IRF2: variants seen among roughly 807,000 people sequenced by gnomAD.
The protein encoded by IRF2 is interferon regulatory factor 2.
Under a neutral mutation model 40.6 loss-of-function variants are expected in IRF2, and 15 were observed. The observed-to-expected ratio is 0.37, with a 90% confidence interval of 0.25 to 0.57. The LOEUF is 0.57. Ranked by LOEUF, IRF2 falls within the 20% of genes least tolerant of loss-of-function variation. IRF2 has a pLI of 0.77. For missense variants in IRF2, 317 were observed against 455.7 expected, an observed-to-expected ratio of 0.70 and a Z score of 2.77; for synonymous variants, 151 against 165.5, an observed-to-expected ratio of 0.91 and a Z score of 0.67.
intron 7 of IRF2, among the ~76,000 whole-genome samples, chr4:184,392,913 C>T (rs1015858347): frequency 3.1e-4 from 47 of 152,136 alleles, no homozygotes; most frequent in African/African-American, 1.1e-3. Context: ...CCCCAAAACA[C>T]CCCGTGCTGG....
chr4:184,422,288 C>T (rs1279461973), intron 2 of IRF2, among the ~76,000 whole-genome samples: 4 of 152,140 alleles, frequency 2.6e-5, no homozygotes, highest in African/African-American at 9.7e-5. Context: ...AAATAACAAA[C>T]GTTGGTGAGG....
chr4:184,423,865 G>C (rs1292899651), intron 2 of IRF2, among the ~76,000 whole-genome samples: 3 of 152,202 alleles, frequency 2.0e-5, no homozygotes, highest in African/African-American at 7.2e-5. Flanking sequence ...TTTGAATTCT[G>C]ATTTGAACAA....
Position 184,468,286 on chromosome 4 carries a change from G to A in IRF2, c.-7+6093C>T, listed in dbSNP as rs566258934. ...GCAGATCACCTGAGGTCAGGAGTTC[G>A]AGACCAGCCGGCCAACATGGCGAAA... On this transcript the variant is annotated intron_variant, in intron 1 of 8. Transcript: ENST00000393593. Among the ~76,000 whole-genome samples the A allele has an allele frequency of 2.2e-3, 306 of 136,880 alleles. 4 individuals carry two copies. The highest frequency in any genetic ancestry group is 9.1e-3 in the African/African-American group (264 of 28,878). The allele number at this position is 136,880 out of a possible 152,430, so 89.8% of individuals were successfully genotyped here.
chr4:184,452,670 CCGAAG>C (rs145257443), intron 1 of IRF2, among the ~76,000 whole-genome samples: 253 of 148,564 alleles, frequency 1.7e-3, no homozygotes, highest in African/African-American at 5.5e-3. Context: ...CTTTGGGAGG[CCGAAG>C]CAGGAGGTTC....
At chr4:184,401,234 T>C (rs1736653843) in intron 6 of IRF2, among the ~76,000 whole-genome samples, 1 of 152,262 alleles carries the variant, frequency 6.6e-6, no homozygotes, top group Admixed American at 6.5e-5. Flanking sequence ...AGTATTTTTG[T>C]TTATAAACAG....
At position 184,411,796 on chromosome 4, in the gene IRF2, C is replaced by T. The variant is rs75964972; in HGVS notation, c.412-3521G>A. 6.6e-3 allele frequency among the ~76,000 whole-genome samples: 1,005 copies of T among 152,082 alleles called. 15 individuals carry two copies. Among genetic ancestry groups the T allele is most frequent in the African/African-American group, 0.023 (961 of 41,458 alleles). On this transcript the variant is annotated intron_variant, in intron 5 of 8. Transcript: ENST00000393593. The stretch of plus-strand genomic sequence containing the variant: ...GATCCTGCAGGCCCTGAACACTCTT[C>T]GCCCGAAGCCTCTCCTGGACCCCCG...
intron 1 of IRF2, among the ~76,000 whole-genome samples, chr4:184,446,652 G>T (rs1012707774): frequency 8.5e-5 from 13 of 152,304 alleles, no homozygotes; most frequent in African/African-American, 2.4e-4. Context: ...GACTTGATTT[G>T]AATTTGTGCT....
At chr4:184,450,710 T>G (rs566986288) in intron 1 of IRF2, among the ~76,000 whole-genome samples, 96 of 152,340 alleles carry the variant, frequency 6.3e-4, no homozygotes, top group African/African-American at 2.2e-3. Flanking sequence ...TTTAAAATAG[T>G]CTCCCTAAGG....
chr4:184,435,431 G>A (rs138655655), intron 1 of IRF2, among the ~76,000 whole-genome samples: 1 of 152,182 alleles, frequency 6.6e-6, no homozygotes, highest in Non-Finnish European at 1.5e-5. Flanking sequence ...AGCTGAGAGG[G>A]GGGTGGTGCT....
chr4:184,467,952 G>A (rs1211132673), intron 1 of IRF2, among the ~76,000 whole-genome samples: 2 of 152,154 alleles, frequency 1.3e-5, no homozygotes, highest in Middle Eastern at 3.2e-3. Context: ...AATTAGTCTT[G>A]CCTTTGGGAT....
rs369950783 is a variant in IRF2, at chr4:184,415,047, G to A, written c.411+3120C>T. ...TGACTTTCCAATTCCAGACGCCCTA[G>A]GGAGTTCACTTTTCAAACACTCTAC... is the stretch of plus-strand genomic sequence containing the variant. On this transcript the variant is annotated intron_variant, in intron 5 of 8. Coordinates refer to ENST00000393593, the MANE Select transcript of IRF2 (RefSeq NM_002199.4). Among the ~76,000 whole-genome samples, 25 of 152,196 alleles carry A rather than the reference G, an allele frequency of 1.6e-4. No homozygotes were observed. In the East Asian group the frequency reaches 2.1e-3, roughly 13 times the overall value.
At chr4:184,469,344 A>G (rs945750505) in intron 1 of IRF2, among the ~76,000 whole-genome samples, 8 of 152,212 alleles carry the variant, frequency 5.3e-5, no homozygotes, top group African/African-American at 1.9e-4. Flanking sequence ...GGCAATCAGG[A>G]GTTCTGACTG....
chr4:184,400,195 G>A (rs1736616791), intron 6 of IRF2, among the ~76,000 whole-genome samples: 1 of 152,148 alleles, frequency 6.6e-6, no homozygotes, highest in African/African-American at 2.4e-5. Context: ...TGTAACCATA[G>A]CCACCTTCCT....
At chr4:184,425,718 G>A (rs911945803) in intron 2 of IRF2, among the ~76,000 whole-genome samples, 2 of 152,214 alleles carry the variant, frequency 1.3e-5, no homozygotes, top group African/African-American at 2.4e-5. Context: ...CCTGAAAGGG[G>A]CCAAGTGTTC....
chr4:184,440,920 AAG>A (rs1053752175), intron 1 of IRF2, among the ~76,000 whole-genome samples: 2 of 152,150 alleles, frequency 1.3e-5, no homozygotes, highest in African/African-American at 4.8e-5. Context: ...GATACCCAAA[AAG>A]AGGTGATGGC....
chr4:184,403,973 T>G (rs899780207), intron 6 of IRF2, among the ~76,000 whole-genome samples: 1 of 152,158 alleles, frequency 6.6e-6, no homozygotes, highest in Non-Finnish European at 1.5e-5. Context: ...TTATGGCTGG[T>G]TACTGATGAA....
intron 7 of IRF2, among the ~76,000 whole-genome samples, chr4:184,392,400 C>A (rs1736289792): frequency 6.6e-6 from 1 of 152,242 alleles, no homozygotes; most frequent in Non-Finnish European, 1.5e-5. Context: ...AGCTCGTGTT[C>A]TAAAAGAAGC....
rs1162875123 is a variant in IRF2 at position 184,429,000 on chromosome 4, G to A, written c.65C>T (p.Pro22Leu). Residue 22 changes from proline to leucine, a missense_variant, in exon 2 of 9, where the codon CCG becomes CTG. Transcript: ENST00000393593. ...LEEQINSNTI[P>L]GLKWLNKEKK... ...CACCTTGTTAAGCCACTTGAGCCCC[G>A]GGATCGTGTTGGAGTTTATCTGCTC... The A allele has an allele frequency of 3.1e-6, 5 of 1,613,992 alleles. No homozygotes were observed. Among genetic ancestry groups the A allele is most frequent in the Non-Finnish European group, 3.4e-6 (4 of 1,179,968 alleles).
chr4:184,462,096 T>A (rs1739169683), intron 1 of IRF2, among the ~76,000 whole-genome samples: 2 of 152,222 alleles, frequency 1.3e-5, no homozygotes, highest in Non-Finnish European at 2.9e-5. Context: ...CAATAGAGAT[T>A]TACCTTCAGG....
Sources: gnomAD v4.1 joint callset for allele counts (sites outside exome capture counted in the v4.1 genomes callset) on GRCh38, gnomAD v4.1.1 for gene constraint, MANE v1.5 for transcripts, NCBI Gene and HGNC (gene_info 2026-07-23, HGNC 2026-07-21) for gene names.